Variants in ARL15 observed in about 807,000 individuals in gnomAD.
ARL15 encodes ARF like GTPase 15, also known as ADP-ribosylation factor-like protein 15.
A neutral mutation model predicts 25.2 loss-of-function variants in ARL15; 19 were observed. That is an observed-to-expected ratio of 0.75 (90% CI 0.53 to 1.10). The LOEUF (loss-of-function observed/expected upper bound fraction) is 1.10, where lower values mean the gene tolerates loss of function less well. Among genes scored for constraint, ARL15 ranks in the 50% least tolerant of loss-of-function variants. The pLI, the probability that ARL15 is intolerant of heterozygous loss-of-function variation, is 0.00. For synonymous variants in ARL15, 94 were observed against 86.8 expected (o/e 1.08, Z -0.46); for missense variants, 220 against 246.0 (o/e 0.89, Z 0.71).
chr5:54,173,110 G>A (rs537985451), intron 1 of ARL15, among the ~76,000 whole-genome samples: 1 of 151,794 alleles, frequency 6.6e-6, no homozygotes, highest in South Asian at 2.1e-4. Flanking sequence ...TTGAATCTGG[G>A]TGGCAGAGGT....
intron 1 of ARL15, among the ~76,000 whole-genome samples, chr5:54,205,247 G>A (rs1223922565): frequency 6.6e-6 from 1 of 152,028 alleles, no homozygotes; most frequent in Non-Finnish European, 1.5e-5. Context: ...TCCCCTGGGA[G>A]GTATACACTT....
At chr5:54,164,682 T>C (rs1366787271) in intron 2 of ARL15, among the ~76,000 whole-genome samples, 2 of 152,054 alleles carry the variant, frequency 1.3e-5, no homozygotes, top group Non-Finnish European at 2.9e-5. Flanking sequence ...ACCCCAACTT[T>C]CTTTTGACTA....
chr5:54,282,933 C>T (rs569268568), intron 1 of ARL15, among the ~76,000 whole-genome samples: 30 of 152,300 alleles, frequency 2.0e-4, no homozygotes, highest in South Asian at 6.2e-4. Flanking sequence ...CTCACAAAAC[C>T]ATGCATACCA....
At chr5:53,997,276 C>A (rs538496657) in intron 4 of ARL15, among the ~76,000 whole-genome samples, 1 of 152,106 alleles carries the variant, frequency 6.6e-6, no homozygotes, top group Non-Finnish European at 1.5e-5. Context: ...CTGGGCTCGT[C>A]GTTCTTCATT....
At chr5:54,032,659 G>C (rs1298882297) in intron 4 of ARL15, among the ~76,000 whole-genome samples, 1 of 151,936 alleles carries the variant, frequency 6.6e-6, no homozygotes, top group Non-Finnish European at 1.5e-5. Flanking sequence ...AAGACTATAG[G>C]GTAAGAGAAG....
At chr5:54,188,301 G>T (rs1755294017) in intron 1 of ARL15, among the ~76,000 whole-genome samples, 1 of 152,144 alleles carries the variant, frequency 6.6e-6, no homozygotes, top group East Asian at 1.9e-4. Flanking sequence ...GGGAGGGAAA[G>T]GATTAGGTAA....
intron 4 of ARL15, among the ~76,000 whole-genome samples, chr5:53,903,922 G>A (rs72763136): frequency 0.16 from 24,851 of 152,088 alleles, 2,203 homozygotes; most frequent in Non-Finnish European, 0.2. Flanking sequence ...CTTACATGGT[G>A]GCCAGCGATA....
Position 54,199,610 on chromosome 5 carries a change from G to A in ARL15, c.49-27682C>T, listed in dbSNP as rs569758365. Among the ~76,000 whole-genome samples, 3 of 151,716 alleles carry A rather than the reference G, an allele frequency of 2.0e-5. No homozygotes were observed. In the South Asian group the frequency reaches 6.2e-4, roughly 32 times the overall value. ...CACAATGAGATATCATCTCACACCA[G>A]TTAGAATGGCAGTCATTAAAAAGTC... On this transcript the variant is annotated intron_variant, in intron 1 of 4. Coordinates refer to ENST00000504924, the MANE Select transcript of ARL15 (RefSeq NM_019087.3).
chr5:53,956,626 G>C (rs1022549063), intron 4 of ARL15, among the ~76,000 whole-genome samples: 1 of 151,648 alleles, frequency 6.6e-6, no homozygotes, highest in South Asian at 2.1e-4. Flanking sequence ...TGCACTAAAG[G>C]ACATCAGGAG....
chr5:54,225,724 C>A (rs555954225), intron 1 of ARL15, among the ~76,000 whole-genome samples: 1 of 151,936 alleles, frequency 6.6e-6, no homozygotes, highest in Non-Finnish European at 1.5e-5. Flanking sequence ...AAGAGGGTGC[C>A]CAAAGTGAGG....
In ARL15 at chr5:54,015,292, C is replaced by CA. The variant is rs112278417; in HGVS notation, c.462+97909dup. Among the ~76,000 whole-genome samples the CA allele has an allele frequency of 2.5e-3, 346 of 138,270 alleles. 1 individual carries two copies. Among genetic ancestry groups the CA allele is most frequent in the East Asian group, 6.3e-3 (30 of 4,744 alleles). The allele number at this position is 138,270 out of a possible 152,430, so 90.7% of individuals were successfully genotyped here. On this transcript the variant is annotated intron_variant, in intron 4 of 4. Transcript: ENST00000504924. ...AGGTAACAATAGCGAAACTCCATCT[C>CA]AAAAAAAAAAAAACAAAAACAAAAA...
intron 1 of ARL15, among the ~76,000 whole-genome samples, chr5:54,203,274 T>C (rs1755772413): frequency 6.6e-6 from 1 of 152,294 alleles, no homozygotes; most frequent in Non-Finnish European, 1.5e-5. Flanking sequence ...CCTAATCAGA[T>C]ACAAAGAGTT....
chr5:54,136,183 G>A (rs1011702282), intron 3 of ARL15, among the ~76,000 whole-genome samples: 3 of 152,026 alleles, frequency 2.0e-5, no homozygotes, highest in Non-Finnish European at 2.9e-5. Context: ...GACTCATTTA[G>A]TACAATTTTA....
At chr5:54,127,985 G>GCTACACCTT (rs1439064254) in intron 3 of ARL15, among the ~76,000 whole-genome samples, 2,276 of 152,174 alleles carry the variant, frequency 0.015, 49 homozygotes, top group African/African-American at 0.051. Flanking sequence ...GCTGAAACTG[G>GCTACACCTT]ATCCCTTCCT....
intron 4 of ARL15, among the ~76,000 whole-genome samples, chr5:53,977,117 G>C (rs1434074412): frequency 1.3e-5 from 2 of 152,114 alleles, no homozygotes; most frequent in East Asian, 3.9e-4. Context: ...CCAGCACTTT[G>C]GGAGGCCGAG....
chr5:54,246,840 AC>A (rs1757101904), intron 1 of ARL15, among the ~76,000 whole-genome samples: 2 of 133,902 alleles, frequency 1.5e-5, no homozygotes, highest in African/African-American at 5.5e-5. Flanking sequence ...ACACACACAC[AC>A]ACACAGAGTA....
At chr5:54,184,439 T>TAAA (rs527755025) in intron 1 of ARL15, among the ~76,000 whole-genome samples, 24 of 69,114 alleles carry the variant, frequency 3.5e-4, no homozygotes, top group Non-Finnish European at 5.8e-4. Context: ...ACACTGTCTT[T>TAAA]AAAAAAAAAA....
chr5:54,032,021 T>C (rs1461547618), intron 4 of ARL15, among the ~76,000 whole-genome samples: 2 of 152,220 alleles, frequency 1.3e-5, no homozygotes, highest in African/African-American at 4.8e-5. Flanking sequence ...TAGAGCAGCC[T>C]TTCTACTTAC....
At chr5:54,246,916 A>G (rs1460410033) in intron 1 of ARL15, among the ~76,000 whole-genome samples, 1 of 152,102 alleles carries the variant, frequency 6.6e-6, no homozygotes, top group Non-Finnish European at 1.5e-5. Flanking sequence ...TGATTAAGAA[A>G]AAAATGTCTA....
Sources: gnomAD v4.1 joint callset for allele counts (sites outside exome capture counted in the v4.1 genomes callset) on GRCh38, gnomAD v4.1.1 for gene constraint, MANE v1.5 for transcripts, NCBI Gene and HGNC (gene_info 2026-07-23, HGNC 2026-07-21) for gene names.